The following FNDC3A variants were observed in gnomAD, a reference collection of about 807,000 sequenced individuals.
FNDC3A encodes the protein fibronectin type-III domain-containing protein 3A.
A neutral mutation model predicts 148.9 loss-of-function variants in FNDC3A; 32 were observed. The observed-to-expected ratio is 0.21, with a 90% CI of 0.16 to 0.29. The LOEUF is 0.29. Among genes scored for constraint, FNDC3A ranks in the 10% least tolerant of loss-of-function variants. The probability of loss-of-function intolerance (pLI) is 1.00; values close to 1 mark genes in which losing one functional copy is unlikely to be tolerated. For synonymous variants in FNDC3A, 472 were observed against 473.6 expected (o/e 1.00, Z 0.04); for missense variants, 1,191 against 1,452.8 (o/e 0.82, Z 2.93).
intron 16 of FNDC3A, among the ~76,000 whole-genome samples, chr13:49,187,961 G>A (rs866280918): frequency 1.3e-5 from 2 of 152,098 alleles, no homozygotes; most frequent in Non-Finnish European, 2.9e-5. Flanking sequence ...TGAATCTTCT[G>A]AAGGTTAGTT....
chr13:49,137,834 C>T (rs1983805), intron 6 of FNDC3A, among the ~76,000 whole-genome samples: 88,015 of 151,904 alleles, frequency 0.58, 27,137 homozygotes, highest in Non-Finnish European at 0.68. Flanking sequence ...TTTAGGTTTC[C>T]TTAATACTGA....
chr13:49,003,781 A>C (rs954818944), intron 1 of FNDC3A, among the ~76,000 whole-genome samples: 1 of 152,224 alleles, frequency 6.6e-6, no homozygotes, highest in African/African-American at 2.4e-5. Context: ...AGTTGCAAGA[A>C]TAGTACAAAG....
At chr13:49,144,883 C>T (rs911326868) in intron 7 of FNDC3A, among the ~76,000 whole-genome samples, 2 of 152,122 alleles carry the variant, frequency 1.3e-5, no homozygotes, top group East Asian at 1.9e-4. Context: ...TCTCCTATTA[C>T]GTAGCACCTG....
chr13:49,057,178 T>C (rs1876312496), intron 2 of FNDC3A, among the ~76,000 whole-genome samples: 1 of 152,228 alleles, frequency 6.6e-6, no homozygotes, highest in African/African-American at 2.4e-5. Flanking sequence ...CCAGATTCAT[T>C]TGAAGGTAAA....
At chr13:49,012,157 G>A (rs578212120) in intron 2 of FNDC3A, among the ~76,000 whole-genome samples, 5 of 151,454 alleles carry the variant, frequency 3.3e-5, no homozygotes, top group African/African-American at 4.9e-5. Flanking sequence ...GCTCTGTCAC[G>A]CAGGTTGGAG....
At chr13:49,188,781 A>G (rs1453731646) in intron 17 of FNDC3A, 148 bp downstream of exon 17, 14 of 653,604 alleles carry the variant, frequency 2.1e-5, no homozygotes, top group African/African-American at 3.6e-5. Context: ...GATAGTGACC[A>G]AAATATTCTA....
chr13:49,088,409 C>T (rs1044207193), intron 3 of FNDC3A, among the ~76,000 whole-genome samples: 4 of 152,150 alleles, frequency 2.6e-5, no homozygotes, highest in East Asian at 3.9e-4. Flanking sequence ...CCAAAATTCT[C>T]ATACTATGGG....
chr13:49,150,331 G>C (rs768935579), intron 8 of FNDC3A, among the ~76,000 whole-genome samples: 4 of 152,056 alleles, frequency 2.6e-5, no homozygotes, highest in Non-Finnish European at 4.4e-5. Context: ...TCTTGCTTTT[G>C]TAGTTCTTGA....
At position 49,034,151 on chromosome 13, in the gene FNDC3A, T is replaced by C. The variant is rs75476185; in HGVS notation, c.99+27862T>C. 9.6e-4 allele frequency among the ~76,000 whole-genome samples: 146 copies of C among 152,160 alleles called. 1 individual carries two copies. Among genetic ancestry groups the C allele is most frequent in the African/African-American group, 3.4e-3 (140 of 41,572 alleles). On this transcript the variant is annotated intron_variant, in intron 2 of 25. Coordinates refer to ENST00000492622, the MANE Select transcript of FNDC3A (RefSeq NM_001079673.2). The stretch of plus-strand genomic sequence containing the variant: ...ATATTTAGAGTTTTTATAATTTGAA[T>C]ATAGAATTTCAGAGTTTATGAATCT...
chr13:49,015,411 G>T (rs934924974), intron 2 of FNDC3A, among the ~76,000 whole-genome samples: 33 of 152,112 alleles, frequency 2.2e-4, no homozygotes, highest in Non-Finnish European at 4.4e-4. Context: ...GTCTGTTGTT[G>T]GTGTATAAGG....
At chr13:49,151,824 C>T (rs1039679098) in intron 8 of FNDC3A, among the ~76,000 whole-genome samples, 25 of 152,044 alleles carry the variant, frequency 1.6e-4, no homozygotes, top group Admixed American at 5.2e-4. Flanking sequence ...TGAGAACATG[C>T]GGTGTTTGGT....
intron 3 of FNDC3A, among the ~76,000 whole-genome samples, chr13:49,090,357 T>A (rs1879103613): frequency 6.6e-6 from 1 of 152,140 alleles, no homozygotes; most frequent in East Asian, 1.9e-4. Context: ...GAAGTTGCAG[T>A]GAGCCAAGAT....
chr13:49,168,502 G>T, intron 9 of FNDC3A, 111 bp from the exon 10 acceptor site: 2 of 631,488 alleles, frequency 3.2e-6, no homozygotes, highest in African/African-American at 1.9e-5. Context: ...ATATTTTCTT[G>T]ATAGAACTTT....
Position 48,997,750 on chromosome 13 carries a change from T to G in FNDC3A, c.-39-8402T>G, listed in dbSNP as rs148262691. ...TGTCTGTTGTTTAAAGCAACCAGAC[T>G]ATGTTATTTTGCTGTAGTAGCCTAA... On this transcript the variant is annotated intron_variant, in intron 1 of 25. Transcript: ENST00000492622. 7.6e-3 allele frequency among the ~76,000 whole-genome samples: 1,165 copies of G among 152,310 alleles called. 21 individuals carry two copies. Among genetic ancestry groups the G allele is most frequent in the African/African-American group, 0.027 (1,106 of 41,568 alleles).
intron 4 of FNDC3A, among the ~76,000 whole-genome samples, chr13:49,117,345 A>G (rs1881035124): frequency 6.6e-6 from 1 of 152,260 alleles, no homozygotes; most frequent in South Asian, 2.1e-4. Context: ...GATACTTTCA[A>G]TTATGTCCAT....
At chr13:49,116,635 A>C (rs903683254) in intron 4 of FNDC3A, among the ~76,000 whole-genome samples, 1 of 152,102 alleles carries the variant, frequency 6.6e-6, no homozygotes, top group Non-Finnish European at 1.5e-5. Flanking sequence ...AAAATACAAA[A>C]ATTAGCTGGT....
At chr13:49,185,587 AAGG>A (rs760740909) in intron 14 of FNDC3A, among the ~76,000 whole-genome samples, 32 of 152,220 alleles carry the variant, frequency 2.1e-4, no homozygotes, top group Non-Finnish European at 4.4e-4. Flanking sequence ...CTTTTGAAGA[AAGG>A]AGATTCAGAG....
At chr13:49,090,876 C>T (rs1879147674) in intron 3 of FNDC3A, among the ~76,000 whole-genome samples, 1 of 152,138 alleles carries the variant, frequency 6.6e-6, no homozygotes, top group Non-Finnish European at 1.5e-5. Context: ...TGCCTGTAGT[C>T]CCAGCTACTC....
intron 2 of FNDC3A, among the ~76,000 whole-genome samples, chr13:49,015,281 A>G (rs1433684285): frequency 3.9e-5 from 6 of 152,042 alleles, no homozygotes; most frequent in Non-Finnish European, 7.4e-5. Flanking sequence ...TCCTTGAGCA[A>G]TGGTTTGTAG....
Sources: gnomAD v4.1 joint callset for allele counts (sites outside exome capture counted in the v4.1 genomes callset) on GRCh38, gnomAD v4.1.1 for gene constraint, MANE v1.5 for transcripts, NCBI Gene and HGNC (gene_info 2026-07-23, HGNC 2026-07-21) for gene names.